The following FAM193B variants were observed in gnomAD, a reference collection of about 807,000 sequenced individuals.
FAM193B encodes protein FAM193B.
In FAM193B, 27 loss-of-function variants were observed where a neutral mutation model predicts 70.7. The observed-to-expected ratio is 0.38, with a 90% CI of 0.28 to 0.53. The LOEUF is 0.53. Ranked by LOEUF, FAM193B falls within the 20% of genes least tolerant of loss-of-function variation. The pLI is 0.81. For missense variants in FAM193B, 1,022 were observed against 1,072.5 expected (o/e 0.95, Z 0.66); for synonymous variants, 448 against 436.0 (o/e 1.03, Z -0.34).
At chr5:177,529,372 C>T (rs899844267) in intron 5 of FAM193B, among the ~76,000 whole-genome samples, 3 of 151,856 alleles carry the variant, frequency 2.0e-5, no homozygotes, top group Non-Finnish European at 4.4e-5. Context: ...CTGTGAAGTC[C>T]AGGAGGTGGA....
At chr5:177,543,343 T>G (rs1005876558) in intron 1 of FAM193B, among the ~76,000 whole-genome samples, 1 of 152,196 alleles carries the variant, frequency 6.6e-6, no homozygotes, top group Non-Finnish European at 1.5e-5. Flanking sequence ...TAAGTCACAT[T>G]AGAGATACAA....
At position 177,532,052 on chromosome 5, in the gene FAM193B, C is replaced by T. The variant is rs1472558083; in HGVS notation, c.1275+391G>A. 11 of 1,293,772 alleles carry T rather than the reference C, an allele frequency of 8.5e-6. No individual in the cohort carries two copies. Among genetic ancestry groups the T allele is most frequent in the Admixed American group, 4.6e-5 (2 of 43,644 alleles). The allele number at this position is 1,293,772 out of a possible 1,614,324, so 80.1% of individuals were successfully genotyped here. On this transcript the variant is annotated intron_variant, in intron 5 of 8. Coordinates refer to ENST00000514747, the MANE Select transcript of FAM193B (RefSeq NM_001190946.3). The surrounding 1 kb of genome is among the most constrained non-coding windows in gnomAD (Gnocchi z 4.9). ...CGCCGTCTGTGCTCACGGCCTGTCC[C>T]TCGGCTGGCTGTCACACTTGGGGGA... is the stretch of plus-strand genomic sequence containing the variant.
chr5:177,526,424 T>TA (rs1212412976), intron 5 of FAM193B, among the ~76,000 whole-genome samples: 2 of 152,188 alleles, frequency 1.3e-5, no homozygotes, highest in African/African-American at 4.8e-5. Context: ...CAGCAGCATT[T>TA]CTAGCTGTGA....
At chr5:177,553,112 T>C in intron 1 of FAM193B, 2 of 940,196 alleles carry the variant, frequency 2.1e-6, no homozygotes, top group African/African-American at 1.8e-5. Flanking sequence ...CTGACGCAAC[T>C]GGGGAGGTCA....
rs1251403521 is a variant in FAM193B, at chr5:177,527,117, G to A, written c.1276-1912C>T. 4.0e-5 allele frequency among the ~76,000 whole-genome samples: 6 copies of A among 149,592 alleles called. No homozygotes were observed. In the East Asian group the frequency reaches 8.0e-4, roughly 20 times the overall value. On this transcript the variant is annotated intron_variant, in intron 5 of 8. Transcript: ENST00000514747. ...ACAGAATGGGGAGTGGAATCATCCC[G>A]GAGGCAGTGAGACAAGCATTTTCTA... is the stretch of plus-strand genomic sequence containing the variant.
At chr5:177,531,203 A>G (rs1482121237) in intron 5 of FAM193B, 1 of 1,188,750 alleles carries the variant, frequency 8.4e-7, no homozygotes, top group Non-Finnish European at 1.1e-6. Context: ...AGCATCATTC[A>G]TGCCCCAGAA....
chr5:177,552,941 C>A (rs1766479354), intron 1 of FAM193B, among the ~76,000 whole-genome samples: 1 of 152,182 alleles, frequency 6.6e-6, no homozygotes, highest in African/African-American at 2.4e-5. Context: ...TAGCAAGGCC[C>A]TGGGCGAGGC....
chr5:177,537,398 T>G (rs1051142382), intron 3 of FAM193B, among the ~76,000 whole-genome samples: 2 of 152,204 alleles, frequency 1.3e-5, no homozygotes, highest in African/African-American at 4.8e-5. Context: ...AAAGAAGACT[T>G]ACACAGCTGC....
chr5:177,524,780 C>G lies in FAM193B; in HGVS notation c.1701G>C (p.Trp567Cys). Residue 567 changes from tryptophan to cysteine, a missense_variant, in exon 6 of 9, where the codon TGG becomes TGC. Transcript: ENST00000514747. ...WAEMRGPHPP[W>C]TEVRGPPPGI... is the part of the protein sequence containing the mutation. The stretch of plus-strand genomic sequence containing the variant: ...CGGGAGGGGGCCCCCTCACCTCTGT[C>G]CATGGTGGGTGGGGGCCTCTCATTT... The G allele has an allele frequency of 6.6e-7, 1 of 1,519,146 alleles. No homozygotes were observed. The highest frequency in any genetic ancestry group is 8.8e-7 in the Non-Finnish European group (1 of 1,136,186). 94.1% of individuals were successfully genotyped at this position (1,519,146 alleles called of 1,614,324 possible).
intron 1 of FAM193B, 156 bp from the exon 2 acceptor site, chr5:177,539,303 A>C: frequency 1.2e-6 from 1 of 863,700 alleles, no homozygotes; most frequent in Non-Finnish European, 1.7e-6. Context: ...CAGCTCTGCA[A>C]ACGAGGTGTT....
At chr5:177,545,000 T>C (rs945230747) in intron 1 of FAM193B, among the ~76,000 whole-genome samples, 2 of 152,220 alleles carry the variant, frequency 1.3e-5, no homozygotes, top group African/African-American at 4.8e-5. Flanking sequence ...TTTAGTCTAT[T>C]AAGCCAGATG....
chr5:177,553,175 A>G (rs1766525985), intron 1 of FAM193B: 1 of 985,640 alleles, frequency 1.0e-6, no homozygotes, highest in East Asian at 1.1e-4. Context: ...CACATGCACA[A>G]TTCCAGAGAT....
At chr5:177,531,035 A>G (rs375721434) in intron 5 of FAM193B, among the ~76,000 whole-genome samples, 6 of 152,360 alleles carry the variant, frequency 3.9e-5, no homozygotes, top group African/African-American at 1.4e-4. Context: ...GACTGACTGA[A>G]GCAAGTCCTC....
intron 4 of FAM193B, among the ~76,000 whole-genome samples, chr5:177,535,206 C>T (rs915032963): frequency 2.6e-5 from 4 of 152,242 alleles, no homozygotes; most frequent in Admixed American, 1.3e-4. Flanking sequence ...CCCAAATGCT[C>T]AGCAACTAGA....
rs567322927 is a variant in FAM193B, at chr5:177,531,590, G to A, written c.1275+853C>T. On this transcript the variant is annotated intron_variant, in intron 5 of 8. Transcript: ENST00000514747. ...GGGGCCCACAGCACTCCCTCCCACG[G>A]GCACCAAGTATGTGATGAGAAGCAA... 3.1e-5 allele frequency: 36 copies of A among 1,163,284 alleles called. No homozygotes were observed. The South Asian group carries it at 5.0e-4, about 16-fold the overall frequency. 72.1% of individuals were successfully genotyped at this position (1,163,284 alleles called of 1,614,324 possible). A position where few individuals can be genotyped will look rare whatever the true frequency, so the allele number is the denominator to read the frequency against.
chr5:177,524,497 G>A lies in FAM193B; in HGVS notation c.1984C>T (p.Pro662Ser). 6.2e-7 allele frequency: 1 copy of A among 1,612,862 alleles called. No individual in the cohort carries two copies. Among genetic ancestry groups the A allele is most frequent in the Non-Finnish European group, 8.5e-7 (1 of 1,179,694 alleles). The change falls in exon 6 of 9, where the codon CCC becomes TCC. Residue 662 changes from proline to serine, a missense_variant. Physicochemically the swap from Pro to Ser is moderately conservative, Grantham distance 74 (BLOSUM62 -1). Coordinates refer to ENST00000514747, the MANE Select transcript of FAM193B (RefSeq NM_001190946.3). ...CCAGCGACCTGGCCCTTGGCACTGGGAACCTCTAGGCTGGCTGGGGGCCGG... is the reference window on the plus strand; with the variant it reads ...CCAGCGACCTGGCCCTTGGCACTGGAAACCTCTAGGCTGGCTGGGGGCCGG... Reference protein sequence around the residue: ...APRPPASLEVPSAKGQVAGPK... With the variant: ...APRPPASLEVSSAKGQVAGPK...
rs1763377165 is a variant in FAM193B at position 177,531,148 on chromosome 5, C to T, written c.1275+1295G>A. On this transcript the variant is annotated intron_variant, in intron 5 of 8. Coordinates refer to ENST00000514747, the MANE Select transcript of FAM193B (RefSeq NM_001190946.3). ...GACCCTGATGCCTCCCAAACTCATTCAGACCTTCCCAGAACAGTGAGCCAA... is the reference window on the plus strand; with the variant it reads ...GACCCTGATGCCTCCCAAACTCATTTAGACCTTCCCAGAACAGTGAGCCAA... 4.1e-6 allele frequency: 4 copies of T among 985,706 alleles called. No individual in the cohort carries two copies. In the African/African-American group the frequency reaches 5.1e-5, roughly 13 times the overall value. The allele number at this position is 985,706 out of a possible 1,614,324, so 61.1% of individuals were successfully genotyped here.
At position 177,554,489 on chromosome 5, in the gene FAM193B, A is replaced by ACGCGC; in HGVS notation, c.-32_-31insGCGCG. The stretch of plus-strand genomic sequence containing the variant: ...CGCTCGCGCCGCTCCCTCGCTCCAC[A>ACGCGC]CGCCGCCGCCGCCGCCGCCGCCGCC... On this transcript the variant is annotated 5_prime_UTR_variant, in exon 1 of 9. Transcript: ENST00000514747. 1.7e-6 allele frequency: 1 copy of ACGCGC among 604,978 alleles called. No homozygotes were observed. Among genetic ancestry groups the ACGCGC allele is most frequent in the Non-Finnish European group, 2.0e-6 (1 of 497,636 alleles). The allele number at this position is 604,978 out of a possible 1,614,324, so 37.5% of individuals were successfully genotyped here.
chr5:177,528,840 C>A (rs1468392026), intron 5 of FAM193B, among the ~76,000 whole-genome samples: 3 of 152,142 alleles, frequency 2.0e-5, no homozygotes, highest in Admixed American at 2.0e-4. Flanking sequence ...CGGGAGCCCA[C>A]GTGGCTGGCT....
Sources: gnomAD v4.1 joint callset for allele counts (sites outside exome capture counted in the v4.1 genomes callset) on GRCh38, gnomAD v4.1.1 for gene constraint, Gnocchi (gnomAD v3.1) non-coding constraint, MANE v1.5 for transcripts, NCBI Gene and HGNC (gene_info 2026-07-23, HGNC 2026-07-21) for gene names.